The following ITGA11 variants were observed in gnomAD, a reference collection of about 807,000 sequenced individuals.
ITGA11 encodes the protein integrin subunit alpha 11, also known as integrin alpha-11.
A neutral mutation model predicts 141.9 loss-of-function variants in ITGA11; 97 were observed. The ratio of observed to expected loss-of-function variants is 0.68; its 90% CI spans 0.58 to 0.81. ITGA11 has a LOEUF of 0.81. Ranked by LOEUF, ITGA11 falls within the 30% of genes least tolerant of loss-of-function variation. The pLI, the probability that ITGA11 is intolerant of heterozygous loss-of-function variation, is 0.00. For synonymous variants in ITGA11, 658 were observed against 624.6 expected (o/e 1.05, Z -0.80); for missense variants, 1,387 against 1,559.2 (o/e 0.89, Z 1.86).
intron 11 of ITGA11, among the ~76,000 whole-genome samples, chr15:68,336,996 A>C (rs557032137): frequency 6.6e-6 from 1 of 152,284 alleles, no homozygotes; most frequent in Admixed American, 6.5e-5. Context: ...AGACCTCACA[A>C]GGGGTGGCTA....
intron 2 of ITGA11, among the ~76,000 whole-genome samples, chr15:68,399,957 G>T (rs1305752261): frequency 6.6e-6 from 1 of 152,032 alleles, no homozygotes; most frequent in African/African-American, 2.4e-5. Flanking sequence ...TAAAATAAAA[G>T]TTGAAATAAA....
At chr15:68,409,306 C>T (rs1896715920) in intron 1 of ITGA11, among the ~76,000 whole-genome samples, 1 of 152,162 alleles carries the variant, frequency 6.6e-6, no homozygotes, top group Non-Finnish European at 1.5e-5. Context: ...AGGTTATATG[C>T]TATTCAAGGC....
chr15:68,357,619 A>T (rs1177431742), intron 6 of ITGA11, among the ~76,000 whole-genome samples: 14 of 152,258 alleles, frequency 9.2e-5, no homozygotes, highest in Admixed American at 9.2e-4. Context: ...AGTCCAAAAA[A>T]TTATGAATAG....
At chr15:68,372,183 G>A (rs1895609273) in intron 2 of ITGA11, among the ~76,000 whole-genome samples, 1 of 152,194 alleles carries the variant, frequency 6.6e-6, no homozygotes, top group South Asian at 2.1e-4. Context: ...CCATTCTTGA[G>A]TCTGGGCATT....
At chr15:68,428,503 G>A (rs1897195865) in intron 1 of ITGA11, among the ~76,000 whole-genome samples, 1 of 152,136 alleles carries the variant, frequency 6.6e-6, no homozygotes. Flanking sequence ...TGGTGAGTAA[G>A]CAGAAAAAGA....
chr15:68,307,750 G>T lies in ITGA11; in HGVS notation c.3175-54C>A. On this transcript the variant is annotated intron_variant, in intron 26 of 29. Coordinates refer to ENST00000315757, the MANE Select transcript of ITGA11 (RefSeq NM_001004439.2). The surrounding 1 kb of genome is among the most constrained non-coding windows in gnomAD (Gnocchi z 6.1). ...AGCTGCTGGGCTAGGGGAGCAGGGG[G>T]CAGCAACACTGCTTGAACGACTGGG... 1 of 1,234,424 alleles carries T rather than the reference G, an allele frequency of 8.1e-7. No individual in the cohort carries two copies. The highest frequency in any genetic ancestry group is 1.2e-6 in the Non-Finnish European group (1 of 844,698). The allele number at this position is 1,234,424 out of a possible 1,614,324, so 76.5% of individuals were successfully genotyped here.
Position 68,296,724 on chromosome 15 carries a change from A to C in ITGA11, c.*6335T>G, listed in dbSNP as rs1226527376. 1.3e-5 allele frequency: 2 copies of C among 152,084 alleles called. No homozygotes were observed. The highest frequency in any genetic ancestry group is 2.9e-5 in the Non-Finnish European group (2 of 68,030). 9.4% of individuals were successfully genotyped at this position (152,084 alleles called of 1,614,324 possible). ...TTTAAATATGGTACTTTTGTATCCA[A>C]AGTTTACATTTTTCTATAGTCAAAT... is the stretch of plus-strand genomic sequence containing the variant. On this transcript the variant is annotated 3_prime_UTR_variant, in exon 30 of 30. Transcript: ENST00000315757.
At chr15:68,344,304 T>A (rs982200744) in intron 10 of ITGA11, among the ~76,000 whole-genome samples, 18 of 151,960 alleles carry the variant, frequency 1.2e-4, no homozygotes, top group Admixed American at 8.5e-4. Flanking sequence ...ACAGGAGGGG[T>A]TTACAGCTTC....
intron 2 of ITGA11, among the ~76,000 whole-genome samples, chr15:68,382,021 G>A (rs187177104): frequency 4.9e-4 from 74 of 152,340 alleles, no homozygotes; most frequent in African/African-American, 1.7e-3. Flanking sequence ...GCCTTGGGTT[G>A]CATTAGGGAA....
Position 68,307,271 on chromosome 15 carries a change from T to C in ITGA11, c.3381+77A>G. 9.6e-7 allele frequency: 1 copy of C among 1,044,048 alleles called. No homozygotes were observed. The highest frequency in any genetic ancestry group is 2.6e-5 in the East Asian group (1 of 38,472). 64.7% of individuals were successfully genotyped at this position (1,044,048 alleles called of 1,614,324 possible). ...ATGCAGCCAGGGGTTGTAGGAAAAC[T>C]CTATAGAGGAGCACGGCCAACCCTT... is the stretch of plus-strand genomic sequence containing the variant. On this transcript the variant is annotated intron_variant, in intron 28 of 29. Coordinates refer to ENST00000315757, the MANE Select transcript of ITGA11 (RefSeq NM_001004439.2). The surrounding 1 kb of genome is among the most constrained non-coding windows in gnomAD (Gnocchi z 6.1).
At chr15:68,342,383 G>A (rs1894598351) in intron 10 of ITGA11, among the ~76,000 whole-genome samples, 2 of 152,194 alleles carry the variant, frequency 1.3e-5, no homozygotes, top group African/African-American at 4.8e-5. Context: ...TTCCCCACAA[G>A]CTGATTTTCC....
intron 12 of ITGA11, among the ~76,000 whole-genome samples, chr15:68,334,563 G>A (rs1894284499): frequency 6.6e-6 from 1 of 150,778 alleles, no homozygotes; most frequent in South Asian, 2.1e-4. Flanking sequence ...TAGAAGAGAG[G>A]AAAGGGAAAT....
chr15:68,409,622 T>C (rs4363820), intron 1 of ITGA11, among the ~76,000 whole-genome samples: 4,238 of 151,108 alleles, frequency 0.028, 206 homozygotes, highest in African/African-American at 0.097. Flanking sequence ...TACCTATCAG[T>C]ACTACCTGAT....
In ITGA11 at chr15:68,315,383, C is replaced by CA. The variant is rs1226750723; in HGVS notation, c.2792+267dup. On this transcript the variant is annotated intron_variant, in intron 22 of 29. Transcript: ENST00000315757. Reference sequence around the variant, plus strand: ...AGGGTTTGTGAATTACTGCTGTATACAGGGCTGTCTAAAAGTAAAGGGCTG... The same window carrying CA: ...AGGGTTTGTGAATTACTGCTGTATACAAGGGCTGTCTAAAAGTAAAGGGCTG... Among the ~76,000 whole-genome samples the CA allele has an allele frequency of 2.0e-5, 3 of 152,194 alleles. No individual in the cohort carries two copies. In the East Asian group the frequency reaches 5.8e-4, roughly 29 times the overall value.
In ITGA11 at chr15:68,320,044, C is replaced by T. The variant is rs563301737; in HGVS notation, c.2616+141G>A. 218 of 708,076 alleles carry T rather than the reference C, an allele frequency of 3.1e-4. No homozygotes were observed. The African/African-American group carries it at 3.2e-3, about 10-fold the overall frequency. The allele number at this position is 708,076 out of a possible 1,614,324, so 43.9% of individuals were successfully genotyped here. On this transcript the variant is annotated intron_variant, in intron 20 of 29. Coordinates refer to ENST00000315757, the MANE Select transcript of ITGA11 (RefSeq NM_001004439.2). The stretch of plus-strand genomic sequence containing the variant: ...GGCTCAAGTGATCCTCCCACCTCAG[C>T]CTCCCAAAGTGCTAGGATTACAGGC...
chr15:68,313,985 CAGACAG>C, intron 22 of ITGA11, 117 bp from the exon 23 acceptor site: 1 of 702,756 alleles, frequency 1.4e-6, no homozygotes. Context: ...TGATGGGCAC[CAGACAG>C]GCCAGACAGG....
intron 2 of ITGA11, among the ~76,000 whole-genome samples, chr15:68,397,706 ATAT>A (rs1267962386): frequency 6.8e-5 from 4 of 58,544 alleles, no homozygotes; most frequent in African/African-American, 2.5e-4. Context: ...TATATTTAAA[ATAT>A]TATATTTAAA....
chr15:68,340,639 G>C (rs4777041), intron 10 of ITGA11, among the ~76,000 whole-genome samples: 96,185 of 151,908 alleles, frequency 0.63, 34,028 homozygotes, highest in East Asian at 0.83. Context: ...GCAGGACAAG[G>C]GGAAGCTGCA....
intron 2 of ITGA11, among the ~76,000 whole-genome samples, chr15:68,397,678 ATATTATATTTAAAATAT>A: frequency 2.2e-5 from 1 of 44,516 alleles, no homozygotes; most frequent in Non-Finnish European, 4.0e-5. Context: ...AATATTTAAA[ATATTATATTTAAAATAT>A]TATATTTAAA....
Sources: gnomAD v4.1 joint callset for allele counts (sites outside exome capture counted in the v4.1 genomes callset) on GRCh38, gnomAD v4.1.1 for gene constraint, Gnocchi (gnomAD v3.1) non-coding constraint, MANE v1.5 for transcripts, NCBI Gene and HGNC (gene_info 2026-07-23, HGNC 2026-07-21) for gene names.